Variants in ZBTB16 observed in about 807,000 individuals in gnomAD.
ZBTB16 encodes zinc finger and BTB domain containing 16.
ZBTB16 carries 8 observed loss-of-function variants against 56.8 expected under a neutral mutation model. That is an observed-to-expected ratio of 0.14 (90% CI 0.08 to 0.25). The LOEUF is 0.25. Among genes scored for constraint, ZBTB16 ranks in the 10% least tolerant of loss-of-function variants. ZBTB16 has a pLI of 1.00. For missense variants in ZBTB16, 625 were observed against 903.0 expected, an observed-to-expected ratio of 0.69 and a Z score of 3.95; for synonymous variants, 363 against 368.5, an observed-to-expected ratio of 0.98 and a Z score of 0.17.
intron 5 of ZBTB16, among the ~76,000 whole-genome samples, chr11:114,242,846 G>A (rs147396365): frequency 1.3e-3 from 201 of 152,346 alleles, no homozygotes; most frequent in African/African-American, 4.7e-3. Flanking sequence ...TTTCCCCACA[G>A]TAACAAAGGC....
intron 4 of ZBTB16, among the ~76,000 whole-genome samples, chr11:114,223,981 A>G (rs536443464): frequency 1.3e-5 from 2 of 152,298 alleles, no homozygotes; most frequent in African/African-American, 4.8e-5. Context: ...CTGAACTTGG[A>G]GAAGTAAATG....
intron 3 of ZBTB16, among the ~76,000 whole-genome samples, chr11:114,169,059 C>A (rs546873325): frequency 1.8e-4 from 27 of 152,142 alleles, no homozygotes; most frequent in Non-Finnish European, 2.9e-4. Flanking sequence ...TCATGCCCCC[C>A]ACTCCTCCTT....
intron 4 of ZBTB16, among the ~76,000 whole-genome samples, chr11:114,190,456 A>G (rs1943465047): frequency 6.6e-6 from 1 of 152,216 alleles, no homozygotes; most frequent in Non-Finnish European, 1.5e-5. Context: ...AACCTATTTT[A>G]TAATAAAATT....
chr11:114,125,504 C>G (rs1941480497), intron 2 of ZBTB16, among the ~76,000 whole-genome samples: 2 of 151,980 alleles, frequency 1.3e-5, no homozygotes, highest in African/African-American at 4.8e-5. Context: ...ACAGGTTTCC[C>G]ACACAAATTC....
chr11:114,134,597 A>T (rs1413481278), intron 2 of ZBTB16, among the ~76,000 whole-genome samples: 5 of 152,230 alleles, frequency 3.3e-5, no homozygotes, highest in Non-Finnish European at 7.3e-5. Flanking sequence ...GAAATTAATT[A>T]GCACAGTTGA....
At chr11:114,140,255 C>T (rs931858660) in intron 2 of ZBTB16, among the ~76,000 whole-genome samples, 13 of 152,288 alleles carry the variant, frequency 8.5e-5, no homozygotes, top group African/African-American at 2.2e-4. Context: ...CATGAGCCCC[C>T]CTCCTTGGGG....
chr11:114,211,630 C>T (rs1258660000), intron 4 of ZBTB16, among the ~76,000 whole-genome samples: 7 of 152,180 alleles, frequency 4.6e-5, no homozygotes, highest in Non-Finnish European at 8.8e-5. Flanking sequence ...CTTCCCCCTC[C>T]CCCGCATTGG....
At chr11:114,212,944 T>C (rs1307637391) in intron 4 of ZBTB16, among the ~76,000 whole-genome samples, 1 of 151,936 alleles carries the variant, frequency 6.6e-6, no homozygotes, top group African/African-American at 2.4e-5. Context: ...TCCCTCAACC[T>C]TCATCACTGG....
At chr11:114,184,791 A>G (rs1208149915) in intron 3 of ZBTB16, among the ~76,000 whole-genome samples, 1 of 152,244 alleles carries the variant, frequency 6.6e-6, no homozygotes, top group Non-Finnish European at 1.5e-5. Flanking sequence ...GATTTGAAAC[A>G]GCACTGTGGG....
chr11:114,104,035 G>A (rs1195227888), intron 2 of ZBTB16, among the ~76,000 whole-genome samples: 2 of 152,204 alleles, frequency 1.3e-5, no homozygotes, highest in African/African-American at 2.4e-5. Flanking sequence ...TGGCCAGGGT[G>A]CCCAGTTTGA....
chr11:114,150,653 T>C (rs80116387), intron 2 of ZBTB16, among the ~76,000 whole-genome samples: 3,111 of 152,316 alleles, frequency 0.02, 118 homozygotes, highest in African/African-American at 0.071. Flanking sequence ...CCTTTGTCAT[T>C]TGAATTAAAG....
intron 4 of ZBTB16, among the ~76,000 whole-genome samples, chr11:114,227,412 T>G (rs652901): frequency 0.88 from 134,273 of 152,264 alleles, 59,311 homozygotes; most frequent in East Asian, 0.98. Context: ...TCCCCCCTCA[T>G]GTTACAGAAG....
chr11:114,148,332 GCTGGCTTCCTTC>G (rs1479050012), intron 2 of ZBTB16, among the ~76,000 whole-genome samples: 3,522 of 93,388 alleles, frequency 0.038, 129 homozygotes, highest in African/African-American at 0.059. Flanking sequence ...TGCATGGCTG[GCTGGCTTCCTTC>G]CTTCCTTCCT....
At chr11:114,148,167 A>G (rs1488677224) in intron 2 of ZBTB16, among the ~76,000 whole-genome samples, 1 of 152,124 alleles carries the variant, frequency 6.6e-6, no homozygotes, top group African/African-American at 2.4e-5. Context: ...TAGCACTCGC[A>G]GGCAGCCTTA....
Position 114,207,089 on chromosome 11 carries a change from C to T in ZBTB16, c.1453+20051C>T, listed in dbSNP as rs535978906. 5.1e-4 allele frequency among the ~76,000 whole-genome samples: 77 copies of T among 152,210 alleles called. 1 individual carries two copies. Among genetic ancestry groups the T allele is most frequent in the African/African-American group, 1.7e-3 (69 of 41,542 alleles). ...GGATGCAGAGTTGATGGCTGCAGCC[C>T]AAGTTTTGGTGCTTGGCCTCATGTG... is the stretch of plus-strand genomic sequence containing the variant. On this transcript the variant is annotated intron_variant, in intron 4 of 6. Coordinates refer to ENST00000335953, the MANE Select transcript of ZBTB16 (RefSeq NM_006006.6).
chr11:114,225,781 C>A (rs1944317554), intron 4 of ZBTB16, among the ~76,000 whole-genome samples: 1 of 152,192 alleles, frequency 6.6e-6, no homozygotes, highest in Non-Finnish European at 1.5e-5. Context: ...AATATCTGTA[C>A]CCCACACCCT....
At chr11:114,068,904 T>C (rs537605142) in intron 2 of ZBTB16, among the ~76,000 whole-genome samples, 3 of 152,360 alleles carry the variant, frequency 2.0e-5, no homozygotes, top group South Asian at 4.1e-4. Context: ...TAGACTTAAG[T>C]GTGAACATAG....
chr11:114,127,335 G>T (rs147807267), intron 2 of ZBTB16, among the ~76,000 whole-genome samples: 1 of 152,278 alleles, frequency 6.6e-6, no homozygotes, highest in East Asian at 1.9e-4. Flanking sequence ...CATGGTGTGC[G>T]TGTGAAAATT....
chr11:114,107,089 G>C (rs1316981734), intron 2 of ZBTB16, among the ~76,000 whole-genome samples: 3 of 152,290 alleles, frequency 2.0e-5, no homozygotes, highest in South Asian at 4.1e-4. Flanking sequence ...GAACCTGCTA[G>C]AGTGATCCCA....
Sources: gnomAD v4.1 joint callset for allele counts (sites outside exome capture counted in the v4.1 genomes callset) on GRCh38, gnomAD v4.1.1 for gene constraint, MANE v1.5 for transcripts, NCBI Gene and HGNC (gene_info 2026-07-23, HGNC 2026-07-21) for gene names.